Variants in PTPRJ observed in about 807,000 individuals in gnomAD.
PTPRJ encodes the protein receptor-type tyrosine-protein phosphatase eta.
PTPRJ carries 129 observed loss-of-function variants against 141.3 expected under a neutral mutation model. The observed-to-expected ratio is 0.91, with a 90% CI of 0.79 to 1.06. The LOEUF is 1.06. Among genes scored for constraint, PTPRJ ranks in the 50% least tolerant of loss-of-function variants. The probability of loss-of-function intolerance (pLI) is 0.00; values close to 1 mark genes in which losing one functional copy is unlikely to be tolerated. For missense variants in PTPRJ, 1,601 were observed against 1,679.7 expected, an observed-to-expected ratio of 0.95 and a Z score of 0.82; for synonymous variants, 610 against 640.5, an observed-to-expected ratio of 0.95 and a Z score of 0.72.
intron 1 of PTPRJ, among the ~76,000 whole-genome samples, chr11:48,037,353 C>G (rs1854152811): frequency 6.6e-6 from 1 of 152,068 alleles, no homozygotes; most frequent in African/African-American, 2.4e-5. Flanking sequence ...TGGGGAAAAG[C>G]CTCATAATGA....
At chr11:48,096,236 G>C (rs531458430) in intron 1 of PTPRJ, among the ~76,000 whole-genome samples, 42 of 152,202 alleles carry the variant, frequency 2.8e-4, no homozygotes, top group Admixed American at 6.5e-4. Context: ...GACAGATGAT[G>C]CTGGTCAGCA....
rs576779435 is a variant in PTPRJ, at chr11:48,083,354, G to A, written c.97-26704G>A. Among the ~76,000 whole-genome samples the A allele has an allele frequency of 3.3e-5, 5 of 152,302 alleles. No individual in the cohort carries two copies. The South Asian group carries it at 6.2e-4, about 19-fold the overall frequency. ...TGAGGCTGGAGAATCGCTTGAACCCGGGAGGCGAAGGTTGCAGTGAGCTGA... is the reference window on the plus strand; with the variant it reads ...TGAGGCTGGAGAATCGCTTGAACCCAGGAGGCGAAGGTTGCAGTGAGCTGA... On this transcript the variant is annotated intron_variant, in intron 1 of 24. Coordinates refer to ENST00000418331, the MANE Select transcript of PTPRJ (RefSeq NM_002843.4).
intron 7 of PTPRJ, among the ~76,000 whole-genome samples, chr11:48,129,557 G>T (rs1856922330): frequency 6.6e-6 from 1 of 152,186 alleles, no homozygotes; most frequent in East Asian, 1.9e-4. Context: ...TACACATTTG[G>T]GGGTGAGGGA....
intron 1 of PTPRJ, among the ~76,000 whole-genome samples, chr11:47,989,604 C>G (rs1381031835): frequency 6.6e-6 from 1 of 151,104 alleles, no homozygotes; most frequent in Non-Finnish European, 1.5e-5. Context: ...GGTTAACTCC[C>G]TGTTCATTAA....
chr11:48,063,336 C>CAAAAACAAG (rs1358666452), intron 1 of PTPRJ, among the ~76,000 whole-genome samples: 1 of 152,106 alleles, frequency 6.6e-6, no homozygotes, highest in Non-Finnish European at 1.5e-5. Flanking sequence ...TCAAAAACAA[C>CAAAAACAAG]AACAACAAGA....
At chr11:48,079,234 T>C (rs1370077427) in intron 1 of PTPRJ, among the ~76,000 whole-genome samples, 2 of 151,932 alleles carry the variant, frequency 1.3e-5, no homozygotes, top group African/African-American at 2.4e-5. Flanking sequence ...TTCAAAGCCA[T>C]GGTGGGCTGC....
chr11:48,142,885 T>G, intron 11 of PTPRJ, 34 bp from the exon 12 acceptor site: 2 of 1,593,970 alleles, frequency 1.3e-6, no homozygotes, highest in Non-Finnish European at 1.7e-6. Context: ...GTTTTCAATA[T>G]TGGGTGATCA....
intron 1 of PTPRJ, among the ~76,000 whole-genome samples, chr11:48,051,122 A>C (rs12273163): frequency 1.6e-5 from 2 of 121,710 alleles, no homozygotes; most frequent in Admixed American, 2.1e-4. Flanking sequence ...TTGAGATGGA[A>C]TCTCGCTCTG....
chr11:48,159,161 G>GTGTTTA (rs60389100), intron 21 of PTPRJ, among the ~76,000 whole-genome samples: 2,080 of 130,616 alleles, frequency 0.016, 75 homozygotes, highest in African/African-American at 0.052. Flanking sequence ...GTGTGTGTGT[G>GTGTTTA]GTCATTTGCC....
chr11:48,127,736 C>A (rs1856876007), intron 6 of PTPRJ, 44 bp from the exon 7 acceptor site: 1 of 1,597,360 alleles, frequency 6.3e-7, no homozygotes, highest in Admixed American at 1.7e-5. Flanking sequence ...CTCCCTCTGC[C>A]TTGGCCGTTC....
intron 8 of PTPRJ, among the ~76,000 whole-genome samples, chr11:48,135,678 C>T (rs769178736): frequency 1.3e-5 from 2 of 152,024 alleles, no homozygotes; most frequent in Non-Finnish European, 2.9e-5. Flanking sequence ...GATGGGTTTT[C>T]ACCATGTTGG....
chr11:48,147,049 A>G, intron 15 of PTPRJ, 86 bp downstream of exon 15: 1 of 1,157,628 alleles, frequency 8.6e-7, no homozygotes, highest in Non-Finnish European at 1.3e-6. Context: ...CAGATTCAGA[A>G]GGAATGATAT....
chr11:48,086,998 A>T (rs1449291146), intron 1 of PTPRJ, among the ~76,000 whole-genome samples: 4 of 152,232 alleles, frequency 2.6e-5, no homozygotes, highest in African/African-American at 4.8e-5. Flanking sequence ...ACTTTGACTC[A>T]ATAGTAATAA....
chr11:48,096,710 C>G (rs1856014138), intron 1 of PTPRJ: 1 of 154,816 alleles, frequency 6.5e-6, no homozygotes. Context: ...TGGGCTGCAT[C>G]ATCCTTCCAC....
intron 1 of PTPRJ, among the ~76,000 whole-genome samples, chr11:48,028,275 A>C (rs1242878332): frequency 6.6e-6 from 1 of 152,116 alleles, no homozygotes; most frequent in Non-Finnish European, 1.5e-5. Flanking sequence ...CCTAATCCAC[A>C]CTGTCCTCTC....
chr11:48,144,637 C>A, intron 12 of PTPRJ, 38 bp from the exon 13 acceptor site: 1 of 1,516,282 alleles, frequency 6.6e-7, no homozygotes, highest in Non-Finnish European at 9.1e-7. Flanking sequence ...TCTCTGCCAT[C>A]ACTTTCTTAT....
chr11:48,144,091 C>A (rs1857296235), intron 12 of PTPRJ, among the ~76,000 whole-genome samples: 1 of 152,024 alleles, frequency 6.6e-6, no homozygotes, highest in African/African-American at 2.4e-5. Context: ...GTGGTGCTGT[C>A]CTCATGTCCT....
chr11:47,984,052 C>T (rs528269333), intron 1 of PTPRJ, among the ~76,000 whole-genome samples: 4 of 152,220 alleles, frequency 2.6e-5, no homozygotes, highest in South Asian at 2.1e-4. Context: ...TTCAGGACAA[C>T]GGGAAAACCA....
intron 1 of PTPRJ, among the ~76,000 whole-genome samples, chr11:47,984,841 G>A (rs1279322039): frequency 6.6e-6 from 1 of 151,684 alleles, no homozygotes; most frequent in Non-Finnish European, 1.5e-5. Context: ...TTATAGGCGT[G>A]AGCCACTGTG....
Sources: gnomAD v4.1 joint callset for allele counts (sites outside exome capture counted in the v4.1 genomes callset) on GRCh38, gnomAD v4.1.1 for gene constraint, MANE v1.5 for transcripts, NCBI Gene and HGNC (gene_info 2026-07-23, HGNC 2026-07-21) for gene names.